The following PBX1 variants were observed in gnomAD, a reference collection of about 807,000 sequenced individuals.
PBX1 encodes the protein pre-B-cell leukemia transcription factor 1.
A neutral mutation model predicts 53.4 loss-of-function variants in PBX1; 6 were observed. The ratio of observed to expected loss-of-function variants is 0.11; its 90% CI spans 0.06 to 0.22. The LOEUF (loss-of-function observed/expected upper bound fraction) is 0.22. Among genes scored for constraint, PBX1 ranks in the 10% least tolerant of loss-of-function variants. The probability of loss-of-function intolerance (pLI) is 1.00; values close to 1 mark genes in which losing one functional copy is unlikely to be tolerated. For synonymous variants in PBX1, 204 were observed against 212.3 expected, an observed-to-expected ratio of 0.96 and a Z score of 0.34; for missense variants, 251 against 551.4, an observed-to-expected ratio of 0.46 and a Z score of 5.46.
At chr1:164,565,743 C>G (rs951805228) in intron 2 of PBX1, among the ~76,000 whole-genome samples, 1 of 149,494 alleles carries the variant, frequency 6.7e-6, no homozygotes, top group South Asian at 2.1e-4. Context: ...TGTAAAGTTG[C>G]AGGAGCTTTT....
chr1:164,760,888 T>G (rs774729653), intron 2 of PBX1, among the ~76,000 whole-genome samples: 1 of 152,346 alleles, frequency 6.6e-6, no homozygotes, highest in South Asian at 2.1e-4. Flanking sequence ...CCAATTAGAT[T>G]GCTCCTTAGA....
At chr1:164,859,594 A>G (rs914249775) in intron 2 of PBX1, among the ~76,000 whole-genome samples, 5 of 152,198 alleles carry the variant, frequency 3.3e-5, no homozygotes, top group African/African-American at 1.2e-4. Flanking sequence ...CTATGCAAAT[A>G]GCAAAATCTC....
At chr1:164,610,801 T>G (rs1388554593) in intron 2 of PBX1, among the ~76,000 whole-genome samples, 1 of 152,204 alleles carries the variant, frequency 6.6e-6, no homozygotes, top group Non-Finnish European at 1.5e-5. Flanking sequence ...ATGGTACATT[T>G]GCATGCTCCC....
chr1:164,637,024 G>A (rs980673695), intron 2 of PBX1, among the ~76,000 whole-genome samples: 6 of 152,088 alleles, frequency 3.9e-5, no homozygotes, highest in South Asian at 4.1e-4. Context: ...ACAAAACTCC[G>A]CCAACAGGAG....
chr1:164,700,506 G>A (rs574671490), intron 2 of PBX1: 14 of 985,316 alleles, frequency 1.4e-5, no homozygotes, highest in South Asian at 4.7e-5. Flanking sequence ...GCTACTCTTC[G>A]TAGCAAATAC....
intron 2 of PBX1, among the ~76,000 whole-genome samples, chr1:164,719,253 G>A (rs1364406624): frequency 2.6e-5 from 4 of 152,198 alleles, no homozygotes; most frequent in Non-Finnish European, 5.9e-5. Flanking sequence ...CTGGGGTAGG[G>A]TTAGGAGAAA....
intron 2 of PBX1, among the ~76,000 whole-genome samples, chr1:164,633,636 A>G (rs1313703657): frequency 1.3e-5 from 2 of 152,196 alleles, no homozygotes. Flanking sequence ...TTCCTGTACT[A>G]TACAAGGAAA....
intron 2 of PBX1, among the ~76,000 whole-genome samples, chr1:164,864,277 C>T (rs577992454): frequency 1.3e-5 from 2 of 152,118 alleles, no homozygotes; most frequent in South Asian, 4.2e-4. Flanking sequence ...CAGGCCCTAG[C>T]CCTTCAGCCT....
At chr1:164,778,648 AAAG>A (rs1447309847) in intron 2 of PBX1, among the ~76,000 whole-genome samples, 7 of 147,856 alleles carry the variant, frequency 4.7e-5, no homozygotes, top group African/African-American at 1.1e-4. Flanking sequence ...AAAAAAAAAA[AAAG>A]AAGAACAGGT....
chr1:164,764,483 G>A (rs1666959694), intron 2 of PBX1, among the ~76,000 whole-genome samples: 3 of 152,166 alleles, frequency 2.0e-5, no homozygotes, highest in Non-Finnish European at 4.4e-5. Context: ...TTGCAGTAAT[G>A]TGGGGATGAC....
intron 2 of PBX1, among the ~76,000 whole-genome samples, chr1:164,672,732 C>T (rs1661187213): frequency 2.0e-5 from 3 of 152,304 alleles, no homozygotes; most frequent in African/African-American, 7.2e-5. Flanking sequence ...CATGTGTGTA[C>T]ATCTGATTAT....
At chr1:164,864,182 T>C (rs980361392) in intron 2 of PBX1, among the ~76,000 whole-genome samples, 3 of 152,066 alleles carry the variant, frequency 2.0e-5, no homozygotes, top group African/African-American at 7.2e-5. Context: ...TGGGTCACTG[T>C]TGCTGGCAGG....
intron 2 of PBX1, among the ~76,000 whole-genome samples, chr1:164,883,585 T>A (rs937652673): frequency 2.0e-5 from 3 of 152,156 alleles, no homozygotes; most frequent in Non-Finnish European, 4.4e-5. Flanking sequence ...ATTGATAGAT[T>A]TTTTTTAAGT....
At chr1:164,802,088 G>A (rs1669108015) in intron 4 of PBX1, among the ~76,000 whole-genome samples, 1 of 152,186 alleles carries the variant, frequency 6.6e-6, no homozygotes, top group Non-Finnish European at 1.5e-5. Context: ...AATACAAAGA[G>A]GACTTGATTT....
chr1:164,568,108 A>G (rs1037060392), intron 2 of PBX1, among the ~76,000 whole-genome samples: 22 of 152,174 alleles, frequency 1.4e-4, no homozygotes, highest in African/African-American at 5.1e-4. Context: ...TGTTGGCAAA[A>G]TTATAAAAAT....
intron 3 of PBX1, 23 bp from the exon 4 acceptor site, chr1:164,799,676 T>C: frequency 1.9e-6 from 3 of 1,600,024 alleles, no homozygotes; most frequent in African/African-American, 1.3e-5. Flanking sequence ...TCAATGACGG[T>C]GTTGATTGTC....
chr1:164,572,773 A>G (rs1653963019), intron 2 of PBX1, among the ~76,000 whole-genome samples: 1 of 152,246 alleles, frequency 6.6e-6, no homozygotes. Context: ...AGTATGCTCA[A>G]CTAGTGGCCA....
intron 2 of PBX1, among the ~76,000 whole-genome samples, chr1:164,744,278 TG>T (rs1272000096): frequency 6.6e-6 from 1 of 152,240 alleles, no homozygotes; most frequent in Non-Finnish European, 1.5e-5. Flanking sequence ...CTTGTAACTT[TG>T]GAGGAATTTC....
Position 164,846,966 on chromosome 1 carries a change from G to C in PBX1, c.*290G>C. Reference sequence around the variant, plus strand: ...CCCTGTGCCTCTGTCCTAGACTCCCGGGGTCCCCGCCCTCTCTCATATCAC... The same window carrying C: ...CCCTGTGCCTCTGTCCTAGACTCCCCGGGTCCCCGCCCTCTCTCATATCAC... On this transcript the variant is annotated 3_prime_UTR_variant, in exon 9 of 9. Transcript: ENST00000420696. The C allele has an allele frequency of 8.0e-7, 1 of 1,254,126 alleles. No homozygotes were observed. Among genetic ancestry groups the C allele is most frequent in the Non-Finnish European group, 1.0e-6 (1 of 993,324 alleles). The allele number at this position is 1,254,126 out of a possible 1,614,324, so 77.7% of individuals were successfully genotyped here.
Sources: gnomAD v4.1 joint callset for allele counts (sites outside exome capture counted in the v4.1 genomes callset) on GRCh38, gnomAD v4.1.1 for gene constraint, MANE v1.5 for transcripts, NCBI Gene and HGNC (gene_info 2026-07-23, HGNC 2026-07-21) for gene names.